The following UST variants were observed in gnomAD, a reference collection of about 807,000 sequenced individuals.
UST encodes the protein uronyl 2-sulfotransferase, also known as chondroitin sulfate 2-O-sulfotransferase.
Under a neutral mutation model 45.6 loss-of-function variants are expected in UST, and 21 were observed. The observed-to-expected ratio is 0.46, with a 90% CI of 0.33 to 0.66. UST has a LOEUF of 0.66. UST is among the 30% of genes least tolerant of loss of function. The pLI, the probability that UST is intolerant of heterozygous loss-of-function variation, is 0.02. For synonymous variants in UST, 215 were observed against 200.6 expected (o/e 1.07, Z -0.61); for missense variants, 463 against 512.4 (o/e 0.90, Z 0.93).
chr6:148,908,018 C>T (rs1779399750), intron 2 of UST, among the ~76,000 whole-genome samples: 1 of 147,018 alleles, frequency 6.8e-6, no homozygotes, highest in Admixed American at 7.0e-5. Context: ...AAGCAATTCT[C>T]CTACCTCAGC....
intron 1 of UST, among the ~76,000 whole-genome samples, chr6:148,773,318 G>A (rs916529375): frequency 5.9e-5 from 9 of 151,994 alleles, no homozygotes; most frequent in Non-Finnish European, 1.0e-4. Flanking sequence ...AAAATTAGCC[G>A]GCTGTGGTGG....
At chr6:149,043,435 T>A (rs1375100076) in intron 7 of UST, among the ~76,000 whole-genome samples, 1 of 152,112 alleles carries the variant, frequency 6.6e-6, no homozygotes, top group African/African-American at 2.4e-5. Flanking sequence ...CAGAAAAAAA[T>A]TTCATATTCC....
rs555956396 is a variant in UST at position 148,966,590 on chromosome 6, C to T, written c.681+2027C>T. ...TTAAGAGGAATGCTCTAGCTTCTTCCGTTCTGTCAAGCTTCTGTTGCCATC... is the reference window on the plus strand; with the variant it reads ...TTAAGAGGAATGCTCTAGCTTCTTCTGTTCTGTCAAGCTTCTGTTGCCATC... On this transcript the variant is annotated intron_variant, in intron 5 of 7. Transcript: ENST00000367463. 2.6e-5 allele frequency among the ~76,000 whole-genome samples: 4 copies of T among 152,318 alleles called. No individual in the cohort carries two copies. The South Asian group carries it at 6.2e-4, about 24-fold the overall frequency.
chr6:148,958,856 G>A (rs887522984), intron 4 of UST: 5 of 152,164 alleles, frequency 3.3e-5, no homozygotes, highest in African/African-American at 9.7e-5. Context: ...CTCAGAACCC[G>A]ATGCTGTCAA....
At chr6:148,962,279 C>G (rs528005856) in intron 4 of UST, among the ~76,000 whole-genome samples, 1 of 152,256 alleles carries the variant, frequency 6.6e-6, no homozygotes, top group South Asian at 2.1e-4. Context: ...TTACTTCTCT[C>G]GCCATTGATC....
chr6:148,930,136 T>C (rs1779893043), intron 2 of UST, among the ~76,000 whole-genome samples: 1 of 152,164 alleles, frequency 6.6e-6, no homozygotes, highest in Admixed American at 6.5e-5. Flanking sequence ...CAAGGCCAAG[T>C]TGATCACCCC....
At chr6:148,791,823 A>G (rs143202714) in intron 1 of UST, among the ~76,000 whole-genome samples, 288 of 152,346 alleles carry the variant, frequency 1.9e-3, no homozygotes, top group African/African-American at 6.7e-3. Flanking sequence ...CTTATGCATT[A>G]CATGGGAACT....
intron 5 of UST, chr6:149,005,673 G>C: frequency 1.1e-6 from 1 of 936,772 alleles, no homozygotes; most frequent in Non-Finnish European, 1.3e-6. Flanking sequence ...CCACTAAAAT[G>C]CAAGTATTTC....
chr6:148,778,321 CA>C (rs1463715171), intron 1 of UST, among the ~76,000 whole-genome samples: 1 of 151,888 alleles, frequency 6.6e-6, no homozygotes, highest in East Asian at 1.9e-4. Context: ...ACAAGAATTT[CA>C]GAAGCAAGAT....
At position 148,748,291 on chromosome 6, in the gene UST, C is replaced by A. The variant is rs540178707; in HGVS notation, c.247+614C>A. 1.0e-3 allele frequency among the ~76,000 whole-genome samples: 153 copies of A among 152,240 alleles called. No individual in the cohort carries two copies. Among genetic ancestry groups the A allele is most frequent in the African/African-American group, 3.5e-3 (145 of 41,564 alleles). On this transcript the variant is annotated intron_variant, in intron 1 of 7. Transcript: ENST00000367463. This position sits in a 1 kb window ranked among gnomAD's most constrained non-coding sequence, Gnocchi z 5.3. The stretch of plus-strand genomic sequence containing the variant: ...GCCTGGCGCGGGGAACGGGTTGCAT[C>A]CAGGGGTTTGGGGATGCCCGAGGGC...
chr6:148,796,570 G>C (rs1776951523), intron 1 of UST, among the ~76,000 whole-genome samples: 1 of 140,252 alleles, frequency 7.1e-6, no homozygotes, highest in Admixed American at 7.6e-5. Flanking sequence ...GTTGCAGTGA[G>C]CCGAGATTGT....
At chr6:148,867,701 CCT>C (rs1778473296) in intron 1 of UST, among the ~76,000 whole-genome samples, 3 of 152,142 alleles carry the variant, frequency 2.0e-5, no homozygotes, top group Admixed American at 2.0e-4. Context: ...CACCTTCCGC[CCT>C]GATTGTGAGG....
At chr6:148,761,184 G>A (rs1212269036) in intron 1 of UST, among the ~76,000 whole-genome samples, 1 of 152,164 alleles carries the variant, frequency 6.6e-6, no homozygotes, top group African/African-American at 2.4e-5. Flanking sequence ...AAGCACGTGC[G>A]GCCAAGTTCT....
rs192421275 is a variant in UST at position 148,826,890 on chromosome 6, C to T, written c.248-60096C>T. Among the ~76,000 whole-genome samples the T allele has an allele frequency of 5.3e-5, 8 of 152,270 alleles. No homozygotes were observed. In the East Asian group the frequency reaches 1.5e-3, roughly 29 times the overall value. Reference sequence around the variant, plus strand: ...CCTCTCATGTTGCATCTTACTGACCCTGCTCCCATCATCACAGCTCAGTCC... The same window carrying T: ...CCTCTCATGTTGCATCTTACTGACCTTGCTCCCATCATCACAGCTCAGTCC... On this transcript the variant is annotated intron_variant, in intron 1 of 7. Coordinates refer to ENST00000367463, the MANE Select transcript of UST (RefSeq NM_005715.3).
In UST at chr6:148,961,783, A is replaced by G. The variant is rs114210144; in HGVS notation, c.528-2627A>G. Among the ~76,000 whole-genome samples the G allele has an allele frequency of 4.4e-3, 673 of 152,370 alleles. 1 individual carries two copies. The highest frequency in any genetic ancestry group is 0.015 in the African/African-American group (639 of 41,594). The stretch of plus-strand genomic sequence containing the variant: ...CCCAAAATGAAATCATGAGTGAGCA[A>G]AAGGTTCAGGTGACCCAGGGACTTT... On this transcript the variant is annotated intron_variant, in intron 4 of 7. Transcript: ENST00000367463.
chr6:148,772,877 A>C (rs539207012), intron 1 of UST, among the ~76,000 whole-genome samples: 1 of 152,314 alleles, frequency 6.6e-6, no homozygotes, highest in African/African-American at 2.4e-5. Flanking sequence ...CATACTTCCA[A>C]TTTTACAATA....
In UST at chr6:148,911,405, C is replaced by T. The variant is rs369246269; in HGVS notation, c.291+24376C>T. On this transcript the variant is annotated intron_variant, in intron 2 of 7. Coordinates refer to ENST00000367463, the MANE Select transcript of UST (RefSeq NM_005715.3). ...AAGGGAGAGAACCACTAGACCTTTT[C>T]CTAGGGACCCAAACAGCTTCTGAAA... is the stretch of plus-strand genomic sequence containing the variant. Among the ~76,000 whole-genome samples, 42 of 152,330 alleles carry T rather than the reference C, an allele frequency of 2.8e-4. 1 individual carries two copies. The Middle Eastern group carries it at 0.01, about 37-fold the overall frequency.
Position 148,945,259 on chromosome 6 carries a change from A to G in UST, c.447+3825A>G, listed in dbSNP as rs894997149. Reference sequence around the variant, plus strand: ...CTGTTTTATGGGTGAGACACCTAAGACAATCAGATTGTAACTTTCCAAATA... The same window carrying G: ...CTGTTTTATGGGTGAGACACCTAAGGCAATCAGATTGTAACTTTCCAAATA... On this transcript the variant is annotated intron_variant, in intron 3 of 7. Coordinates refer to ENST00000367463, the MANE Select transcript of UST (RefSeq NM_005715.3). Among the ~76,000 whole-genome samples, 5 of 152,186 alleles carry G rather than the reference A, an allele frequency of 3.3e-5. No homozygotes were observed. The South Asian group carries it at 1.0e-3, about 32-fold the overall frequency.
intron 2 of UST, among the ~76,000 whole-genome samples, chr6:148,899,256 C>A (rs969528562): frequency 6.6e-6 from 1 of 152,044 alleles, no homozygotes; most frequent in Non-Finnish European, 1.5e-5. Flanking sequence ...CCCGCCACTA[C>A]GCCCAGCTAA....
Sources: gnomAD v4.1 joint callset for allele counts (sites outside exome capture counted in the v4.1 genomes callset) on GRCh38, gnomAD v4.1.1 for gene constraint, Gnocchi (gnomAD v3.1) non-coding constraint, MANE v1.5 for transcripts, NCBI Gene and HGNC (gene_info 2026-07-23, HGNC 2026-07-21) for gene names.